TRAPPC10: variants seen among roughly 807,000 people sequenced by gnomAD.
The protein encoded by TRAPPC10 is TRAPP 130 kDa subunit.
In TRAPPC10, 23 loss-of-function variants were observed where a neutral mutation model predicts 125.5. The ratio of observed to expected loss-of-function variants is 0.18; its 90% CI spans 0.13 to 0.26. The LOEUF (loss-of-function observed/expected upper bound fraction) is 0.26. TRAPPC10 is among the 10% of genes least tolerant of loss of function. The probability of loss-of-function intolerance (pLI) is 1.00; values close to 1 mark genes in which losing one functional copy is unlikely to be tolerated. For missense variants in TRAPPC10, 1,123 were observed against 1,308.4 expected (o/e 0.86, Z 2.19); for synonymous variants, 509 against 518.0 (o/e 0.98, Z 0.24).
intron 3 of TRAPPC10, among the ~76,000 whole-genome samples, chr21:44,047,530 G>GTA (rs10525091): frequency 9.1e-6 from 1 of 110,098 alleles, no homozygotes; most frequent in African/African-American, 3.8e-5. Flanking sequence ...CTCTGGGGGA[G>GTA]TATGTGTGTG....
chr21:44,056,368 C>T (rs190138698), intron 5 of TRAPPC10, among the ~76,000 whole-genome samples: 240 of 152,066 alleles, frequency 1.6e-3, no homozygotes, highest in Non-Finnish European at 2.4e-3. Context: ...GATGGGTGTC[C>T]GGGGTGGTGG....
intron 3 of TRAPPC10, among the ~76,000 whole-genome samples, chr21:44,042,131 C>T (rs1230051101): frequency 6.6e-6 from 1 of 152,112 alleles, no homozygotes; most frequent in Non-Finnish European, 1.5e-5. Context: ...TCTGATTTAT[C>T]GTTAGTCTGT....
At chr21:44,092,150 C>G (rs1343082196) in intron 19 of TRAPPC10, 101 bp downstream of exon 19, 2 of 1,441,306 alleles carry the variant, frequency 1.4e-6, no homozygotes, top group African/African-American at 2.8e-5. Context: ...GATAGAACAG[C>G]TGCACTGCTG....
chr21:44,062,912 A>G (rs1168020784), intron 6 of TRAPPC10: 5 of 1,237,560 alleles, frequency 4.0e-6, no homozygotes, highest in Admixed American at 3.2e-5. Flanking sequence ...GTTATTATAC[A>G]TTGTTATGCT....
intron 1 of TRAPPC10, among the ~76,000 whole-genome samples, chr21:44,013,722 CCTCT>C (rs892874672): frequency 6.6e-5 from 10 of 152,280 alleles, no homozygotes; most frequent in Admixed American, 2.0e-4. Flanking sequence ...CTCCTCTCCT[CCTCT>C]CTCTTTTTTT....
At chr21:44,074,269 C>A in intron 7 of TRAPPC10, 55 bp from the exon 8 acceptor site, 1 of 1,607,310 alleles carries the variant, frequency 6.2e-7, no homozygotes, top group South Asian at 1.1e-5. Context: ...TGGGTTTGTT[C>A]AAGCTAGAGC....
chr21:44,063,737 C>T lies in TRAPPC10; in HGVS notation c.990C>T (p.Arg330=), dbSNP rs146263531. The T allele has an allele frequency of 1.7e-4, 267 of 1,614,146 alleles. No homozygotes were observed. The highest frequency in any genetic ancestry group is 4.4e-4 in the African/African-American group (33 of 75,040). ...FLQRPWEVAQ[R]ALELLHNCVQ... ...AGAGGCCGTGGGAGGTGGCCCAGCG[C>T]GCCCTAGAGCTGCTGCACAACTGCG... Residue 330 remains arginine, a synonymous_variant, in exon 7 of 23, where the codon CGC becomes CGT. Coordinates refer to ENST00000291574, the MANE Select transcript of TRAPPC10 (RefSeq NM_003274.5). The surrounding 1 kb of genome is among the most constrained non-coding windows in gnomAD (Gnocchi z 4.4).
chr21:44,068,002 C>T lies in TRAPPC10; in HGVS notation c.1038+4217C>T, dbSNP rs370864600. On this transcript the variant is annotated intron_variant, in intron 7 of 22. Coordinates refer to ENST00000291574, the MANE Select transcript of TRAPPC10 (RefSeq NM_003274.5). ...GGGCGTGATGGCAGGCGCCTGTAAT[C>T]CCAGCTACTCGGGAGGCTGGGGCGG... Among the ~76,000 whole-genome samples, 62 of 152,066 alleles carry T rather than the reference C, an allele frequency of 4.1e-4. 1 individual carries two copies. The highest frequency in any genetic ancestry group is 1.4e-3 in the African/African-American group (60 of 41,446).
chr21:44,079,452 G>A (rs2037522155), intron 11 of TRAPPC10, 112 bp from the exon 12 acceptor site: 3 of 1,255,752 alleles, frequency 2.4e-6, no homozygotes, highest in African/African-American at 3.1e-5. Context: ...GAGATGTTGA[G>A]TCTGTCCTGG....
At chr21:44,080,706 T>G (rs541069402) in intron 13 of TRAPPC10, among the ~76,000 whole-genome samples, 1 of 152,046 alleles carries the variant, frequency 6.6e-6, no homozygotes, top group Admixed American at 6.5e-5. Context: ...CCCTGCTAAT[T>G]TTTTGTATTT....
At chr21:44,019,059 A>G (rs2032198422) in intron 1 of TRAPPC10, among the ~76,000 whole-genome samples, 1 of 151,292 alleles carries the variant, frequency 6.6e-6, no homozygotes, top group South Asian at 2.1e-4. Flanking sequence ...AGAAGATTAC[A>G]GGGTCTTTTT....
chr21:44,052,551 A>C, intron 4 of TRAPPC10, 75 bp downstream of exon 4: 1 of 1,380,468 alleles, frequency 7.2e-7, no homozygotes, highest in Non-Finnish European at 9.9e-7. Context: ...CTGGGTAGTA[A>C]TAAATATTTA....
intron 4 of TRAPPC10, among the ~76,000 whole-genome samples, chr21:44,052,955 C>T (rs897449190): frequency 9.9e-5 from 15 of 152,156 alleles, no homozygotes; most frequent in African/African-American, 3.6e-4. Context: ...TGGGCTTTCT[C>T]CGCCTTGCCC....
intron 11 of TRAPPC10, 148 bp from the exon 12 acceptor site, chr21:44,079,416 T>C (rs2146072378): frequency 1.3e-6 from 1 of 751,908 alleles, no homozygotes; most frequent in Non-Finnish European, 2.0e-6. Flanking sequence ...TCTCACGGAG[T>C]GGGGTGGGTG....
chr21:44,016,993 C>G lies in TRAPPC10; in HGVS notation c.67+4433C>G, dbSNP rs184442970. Among the ~76,000 whole-genome samples the G allele has an allele frequency of 4.5e-3, 687 of 152,326 alleles. 6 individuals are homozygous for G. The highest frequency in any genetic ancestry group is 0.015 in the African/African-American group (643 of 41,560). On this transcript the variant is annotated intron_variant, in intron 1 of 22. Transcript: ENST00000291574. ...TAAATTTGCACATTGAAATTTTCTA[C>G]TAAACCTGAAAATGTGGTGCTTGCG...
chr21:44,016,156 T>G (rs144752514), intron 1 of TRAPPC10, among the ~76,000 whole-genome samples: 67 of 152,360 alleles, frequency 4.4e-4, no homozygotes, highest in African/African-American at 1.6e-3. Context: ...TATATTTTAT[T>G]AATCATGAAA....
chr21:44,016,934 C>T (rs1267877161), intron 1 of TRAPPC10, among the ~76,000 whole-genome samples: 4 of 152,246 alleles, frequency 2.6e-5, no homozygotes, highest in Non-Finnish European at 5.9e-5. Flanking sequence ...GGATTATAGG[C>T]ATGAGCCACC....
In TRAPPC10 at chr21:44,074,487, G is replaced by T. The variant is rs2037124814; in HGVS notation, c.1185+17G>T. 2.5e-6 allele frequency: 4 copies of T among 1,613,940 alleles called. No homozygotes were observed. The highest frequency in any genetic ancestry group is 3.4e-6 in the Non-Finnish European group (4 of 1,179,972). On this transcript the variant is annotated intron_variant, in intron 8 of 22. Coordinates refer to ENST00000291574, the MANE Select transcript of TRAPPC10 (RefSeq NM_003274.5). ...ACAGAAAAGGTGCCTACCTGCCCAA[G>T]TGTGGAATGCTCACGTTGTCTCTGC...
In TRAPPC10 at chr21:44,094,130, C is replaced by T. The variant is rs770479518; in HGVS notation, c.3065C>T (p.Ser1022Phe). ...AAGTGGACAGAAGAGCCTCCCCCTT[C>T]TCTGCATTGCCGGTTCTCTGTTGGA... ...ELKWTEEPPP[S>F]LHCRFSVGFS... is the part of the protein sequence containing the mutation. The change falls in exon 20 of 23, where the codon TCT becomes TTT. Residue 1022 changes from serine (S) to phenylalanine (F), a missense_variant. Transcript: ENST00000291574. 3.7e-6 allele frequency: 6 copies of T among 1,614,130 alleles called. No homozygotes were observed. The highest frequency in any genetic ancestry group is 3.3e-5 in the Admixed American group (2 of 60,014).
Sources: gnomAD v4.1 joint callset for allele counts (sites outside exome capture counted in the v4.1 genomes callset) on GRCh38, gnomAD v4.1.1 for gene constraint, Gnocchi (gnomAD v3.1) non-coding constraint, MANE v1.5 for transcripts, NCBI Gene and HGNC (gene_info 2026-07-23, HGNC 2026-07-21) for gene names.